The following L3MBTL4 variants were observed in gnomAD, a reference collection of about 807,000 sequenced individuals.
L3MBTL4 encodes lethal(3)malignant brain tumor-like protein 4.
In L3MBTL4, 70 loss-of-function variants were observed where a neutral mutation model predicts 84.5. That is an observed-to-expected ratio of 0.83 (90% CI 0.68 to 1.01). The LOEUF (loss-of-function observed/expected upper bound fraction) is 1.01. L3MBTL4 is among the 50% of genes least tolerant of loss of function. The probability of loss-of-function intolerance (pLI) is 0.00; values close to 1 mark genes in which losing one functional copy is unlikely to be tolerated. For synonymous variants in L3MBTL4, 274 were observed against 259.8 expected, an observed-to-expected ratio of 1.05 and a Z score of -0.52; for missense variants, 715 against 754.8, an observed-to-expected ratio of 0.95 and a Z score of 0.62.
intron 12 of L3MBTL4, among the ~76,000 whole-genome samples, chr18:6,204,142 T>C (rs1048591204): frequency 6.6e-6 from 1 of 152,234 alleles, no homozygotes; most frequent in African/African-American, 2.4e-5. Flanking sequence ...GTTTACAGGA[T>C]CTACACACCT....
chr18:6,042,327 T>C (rs139327577), intron 16 of L3MBTL4, among the ~76,000 whole-genome samples: 3,294 of 152,030 alleles, frequency 0.022, 44 homozygotes, highest in Non-Finnish European at 0.032. Flanking sequence ...GAACACTAAG[T>C]GCCCTCACTT....
intron 1 of L3MBTL4, among the ~76,000 whole-genome samples, chr18:6,373,803 C>T (rs2054258381): frequency 6.6e-6 from 1 of 151,222 alleles, no homozygotes; most frequent in Non-Finnish European, 1.5e-5. Context: ...CACTTTACCA[C>T]TTCCATAAAC....
intron 16 of L3MBTL4, chr18:6,046,856 G>A (rs1233727515): frequency 5.9e-6 from 4 of 672,930 alleles, no homozygotes; most frequent in Non-Finnish European, 1.1e-5. Flanking sequence ...AGAAAAACAA[G>A]TATAAACTAA....
At chr18:6,379,162 G>T (rs2054496168) in intron 1 of L3MBTL4, among the ~76,000 whole-genome samples, 1 of 152,154 alleles carries the variant, frequency 6.6e-6, no homozygotes, top group African/African-American at 2.4e-5. Context: ...TTTGCACATT[G>T]ATTTTTTATC....
intron 16 of L3MBTL4, among the ~76,000 whole-genome samples, chr18:6,078,905 C>T (rs371148842): frequency 5.3e-5 from 8 of 152,268 alleles, no homozygotes; most frequent in East Asian, 3.9e-4. Context: ...AGTGACAGAT[C>T]GTCAGGTATT....
chr18:6,304,035 A>C (rs997689346), intron 3 of L3MBTL4, among the ~76,000 whole-genome samples: 7 of 151,682 alleles, frequency 4.6e-5, no homozygotes, highest in African/African-American at 1.5e-4. Flanking sequence ...AAAAACAAAA[A>C]AAAAAGACTG....
intron 3 of L3MBTL4, among the ~76,000 whole-genome samples, chr18:6,304,170 C>A (rs942087154): frequency 6.6e-6 from 1 of 151,880 alleles, no homozygotes; most frequent in African/African-American, 2.4e-5. Context: ...ATTTTCCTAC[C>A]TTTTTTTAGT....
At position 6,046,715 on chromosome 18, in the gene L3MBTL4, A is replaced by C. The variant is rs762463434; in HGVS notation, c.1444+34166T>G. On this transcript the variant is annotated intron_variant, in intron 16 of 18. Coordinates refer to ENST00000317931, the MANE Select transcript of L3MBTL4 (RefSeq NM_001330559.2). Reference sequence around the variant, plus strand: ...AAGTCTTTGAAATAAATGAAAACAGAGATACAACTTACCCAAACCTCTGGG... The same window carrying C: ...AAGTCTTTGAAATAAATGAAAACAGCGATACAACTTACCCAAACCTCTGGG... 3.9e-6 allele frequency: 3 copies of C among 772,166 alleles called. No homozygotes were observed. The African/African-American group carries it at 5.1e-5, about 13-fold the overall frequency. 47.8% of individuals were successfully genotyped at this position (772,166 alleles called of 1,614,324 possible). A position where few individuals can be genotyped will look rare whatever the true frequency, so the allele number is the denominator to read the frequency against.
intron 1 of L3MBTL4, chr18:6,413,905 A>G (rs1599963965): frequency 6.6e-6 from 1 of 152,294 alleles, no homozygotes; most frequent in East Asian, 1.9e-4. Context: ...GATAAAGCAC[A>G]CTTCGCACTT....
chr18:6,297,359 A>G (rs577265990), intron 4 of L3MBTL4, among the ~76,000 whole-genome samples: 1 of 152,352 alleles, frequency 6.6e-6, no homozygotes, highest in East Asian at 1.9e-4. Context: ...ACACTAGTAG[A>G]AAAACTGGTG....
At chr18:6,371,297 C>T (rs1231037235) in intron 1 of L3MBTL4, among the ~76,000 whole-genome samples, 1 of 152,202 alleles carries the variant, frequency 6.6e-6, no homozygotes, top group African/African-American at 2.4e-5. Context: ...GAATACAAAC[C>T]ATCAGAGAAC....
intron 16 of L3MBTL4, 55 bp from the exon 17 acceptor site, chr18:5,969,617 T>C (rs1202046713): frequency 1.3e-6 from 2 of 1,535,614 alleles, no homozygotes; most frequent in East Asian, 2.3e-5. Flanking sequence ...CAAGCACTGC[T>C]GTGTCAGCCC....
chr18:6,364,229 A>G (rs2053836252), intron 1 of L3MBTL4, among the ~76,000 whole-genome samples: 1 of 152,180 alleles, frequency 6.6e-6, no homozygotes, highest in Non-Finnish European at 1.5e-5. Flanking sequence ...TCTAGTCACT[A>G]AATATTTTTG....
intron 16 of L3MBTL4, among the ~76,000 whole-genome samples, chr18:6,003,633 T>G (rs897780732): frequency 2.0e-5 from 3 of 152,064 alleles, no homozygotes; most frequent in Admixed American, 2.0e-4. Flanking sequence ...TTCTCCAGGA[T>G]AGACTATATA....
At chr18:6,012,700 G>A (rs1185843188) in intron 16 of L3MBTL4, among the ~76,000 whole-genome samples, 3 of 151,896 alleles carry the variant, frequency 2.0e-5, no homozygotes, top group African/African-American at 7.3e-5. Flanking sequence ...TTGAGCCCAG[G>A]AGTTTGGGGC....
chr18:6,150,888 A>T (rs1029523995), intron 13 of L3MBTL4, among the ~76,000 whole-genome samples: 1 of 152,192 alleles, frequency 6.6e-6, no homozygotes, highest in Non-Finnish European at 1.5e-5. Context: ...AGAAGGAGAG[A>T]AAGCTCCCAT....
chr18:6,358,095 T>G (rs2053525701), intron 1 of L3MBTL4, among the ~76,000 whole-genome samples: 1 of 152,134 alleles, frequency 6.6e-6, no homozygotes, highest in Non-Finnish European at 1.5e-5. Flanking sequence ...TTCCATAAAT[T>G]ATGCAGCCTT....
At chr18:6,145,519 A>G (rs1031277771) in intron 13 of L3MBTL4, among the ~76,000 whole-genome samples, 4 of 152,028 alleles carry the variant, frequency 2.6e-5, no homozygotes, top group Non-Finnish European at 4.4e-5. Context: ...GAGCATTCCT[A>G]TCTTTATTTC....
intron 4 of L3MBTL4, among the ~76,000 whole-genome samples, chr18:6,297,907 A>G (rs2050173155): frequency 6.6e-6 from 1 of 152,214 alleles, no homozygotes; most frequent in Middle Eastern, 3.2e-3. Context: ...ATACTTGTCT[A>G]CACACAATGT....
Sources: gnomAD v4.1 joint callset for allele counts (sites outside exome capture counted in the v4.1 genomes callset) on GRCh38, gnomAD v4.1.1 for gene constraint, MANE v1.5 for transcripts, NCBI Gene and HGNC (gene_info 2026-07-23, HGNC 2026-07-21) for gene names.